Variants in EXOSC1 observed in about 807,000 individuals in gnomAD.
EXOSC1 encodes the protein exosome component 1, also known as exosome complex component CSL4.
In EXOSC1, 27 loss-of-function variants were observed where a neutral mutation model predicts 31.4. The ratio of observed to expected loss-of-function variants is 0.86; its 90% CI spans 0.63 to 1.18. EXOSC1 has a LOEUF of 1.18. Ranked by LOEUF, EXOSC1 falls within the 50% of genes most tolerant of loss-of-function variation. The probability of loss-of-function intolerance (pLI) is 0.00; values close to 1 mark genes in which losing one functional copy is unlikely to be tolerated. For missense variants in EXOSC1, 228 were observed against 250.3 expected (o/e 0.91, Z 0.60); for synonymous variants, 84 against 89.5 (o/e 0.94, Z 0.35).
rs1474478185 is a variant in EXOSC1, at chr10:97,445,968, T to C, written c.18A>G (p.Arg6=). ...GCGCTCACTTACCGGGGATGCAGTATCTCACAGGTGGCGCCATGATTGCCG... is the reference window on the plus strand; with the variant it reads ...GCGCTCACTTACCGGGGATGCAGTACCTCACAGGTGGCGCCATGATTGCCG... MAPPV[R]YCIPGERLCN... is the part of the protein sequence containing the mutation. The change falls in exon 1 of 8, where the codon AGA becomes AGG. Residue 6 remains arginine (R), a synonymous_variant. Transcript: ENST00000370902. The C allele has an allele frequency of 2.5e-6, 4 of 1,614,084 alleles. No individual in the cohort carries two copies. In the Admixed American group the frequency reaches 5.0e-5, roughly 20 times the overall value.
intron 3 of EXOSC1, among the ~76,000 whole-genome samples, chr10:97,441,676 G>C (rs1246674172): frequency 6.6e-6 from 1 of 151,136 alleles, no homozygotes; most frequent in Non-Finnish European, 1.5e-5. Context: ...TTCTAGTAGA[G>C]ACAGGGTTTC....
intron 4 of EXOSC1, 56 bp downstream of exon 4, chr10:97,441,115 G>T: frequency 1.4e-6 from 2 of 1,407,908 alleles, no homozygotes; most frequent in African/African-American, 1.4e-5. Flanking sequence ...TGGTGTCCTA[G>T]TCTATCCTAA....
intron 6 of EXOSC1, 143 bp from the exon 7 acceptor site, chr10:97,437,418 T>C (rs896912055): frequency 1.5e-6 from 1 of 670,764 alleles, no homozygotes; most frequent in Non-Finnish European, 2.6e-6. Flanking sequence ...TGGCGTGATA[T>C]CAGTTCACAA....
chr10:97,436,627 A>G, intron 7 of EXOSC1, 76 bp from the exon 8 acceptor site: 1 of 1,371,216 alleles, frequency 7.3e-7, no homozygotes, highest in Non-Finnish European at 9.9e-7. Flanking sequence ...CTGGGTATGA[A>G]GCTGAAGTGC....
intron 2 of EXOSC1, 79 bp from the exon 3 acceptor site, chr10:97,443,390 G>T: frequency 8.3e-7 from 1 of 1,201,002 alleles, no homozygotes; most frequent in Non-Finnish European, 1.2e-6. Context: ...GAGTAATATA[G>T]GAATGTCTTG....
rs145414802 is a variant in EXOSC1 at position 97,437,104 on chromosome 10, C to A, written c.481+87G>T. 3.4e-6 allele frequency: 4 copies of A among 1,193,912 alleles called. No homozygotes were observed. The South Asian group carries it at 4.9e-5, about 15-fold the overall frequency. The allele number at this position is 1,193,912 out of a possible 1,614,324, so 74.0% of individuals were successfully genotyped here. ...AAATATCTATAGCCATACTGCTTCCCAGATAAGGGAAACCAGGAAAAACAA... is the reference window on the plus strand; with the variant it reads ...AAATATCTATAGCCATACTGCTTCCAAGATAAGGGAAACCAGGAAAAACAA... On this transcript the variant is annotated intron_variant, in intron 7 of 7. Transcript: ENST00000370902.
At position 97,441,274 on chromosome 10, in the gene EXOSC1, A is replaced by G; in HGVS notation, c.223-15T>C. 6.2e-7 allele frequency: 1 copy of G among 1,611,464 alleles called. No homozygotes were observed. The highest frequency in any genetic ancestry group is 8.5e-7 in the Non-Finnish European group (1 of 1,177,714). On this transcript the variant is annotated splice_polypyrimidine_tract_variant and intron_variant, in intron 3 of 7. Transcript: ENST00000370902. ...ATGCTAGAGACCTGCGGAATAGAGAAAAGATCAGCATCAGAGTATAAGCAG... is the reference window on the plus strand; with the variant it reads ...ATGCTAGAGACCTGCGGAATAGAGAGAAGATCAGCATCAGAGTATAAGCAG...
intron 3 of EXOSC1, among the ~76,000 whole-genome samples, chr10:97,441,486 G>GTTTT (rs781273557): frequency 4.5e-5 from 6 of 133,510 alleles, no homozygotes; most frequent in African/African-American, 1.1e-4. Context: ...GGTGGTATGG[G>GTTTT]TTTTTTTTTT....
intron 2 of EXOSC1, chr10:97,445,033 T>C (rs556330643): frequency 2.6e-5 from 4 of 152,298 alleles, no homozygotes; most frequent in Admixed American, 6.5e-5. Context: ...TCTCATCATA[T>C]GCTGACATAG....
rs1322701813 is a variant in EXOSC1 at position 97,437,700 on chromosome 10, C to A, written c.396G>T (p.Val132=). ...FRPGDIVLAK[V]ISLGDAQSNY... ...GAAGTCTGCTGGGAATAAAGGATACCACTTTGGCCAAGACAATGTCACCTG... is the reference window on the plus strand; with the variant it reads ...GAAGTCTGCTGGGAATAAAGGATACAACTTTGGCCAAGACAATGTCACCTG... The change falls in exon 6 of 8, where the codon GTG becomes GTT. Residue 132 remains valine (V), a splice_region_variant and synonymous_variant. Transcript: ENST00000370902. The A allele has an allele frequency of 4.3e-6, 7 of 1,612,970 alleles. No homozygotes were observed. The highest frequency in any genetic ancestry group is 5.9e-6 in the Non-Finnish European group (7 of 1,179,302).
chr10:97,438,486 G>C (rs1443482129), intron 5 of EXOSC1, among the ~76,000 whole-genome samples, 184 bp downstream of exon 5: 1 of 151,558 alleles, frequency 6.6e-6, no homozygotes, highest in Non-Finnish European at 1.5e-5. Context: ...TAAAATTTTT[G>C]TAGAGACAGG....
chr10:97,443,545 C>T (rs1019673453), intron 2 of EXOSC1, among the ~76,000 whole-genome samples: 8 of 152,180 alleles, frequency 5.3e-5, no homozygotes, highest in East Asian at 1.9e-4. Flanking sequence ...TTGTTGGAGA[C>T]GGAGTCTTGC....
At chr10:97,440,161 G>A (rs562180386) in intron 4 of EXOSC1, among the ~76,000 whole-genome samples, 3 of 151,606 alleles carry the variant, frequency 2.0e-5, no homozygotes, top group Admixed American at 6.6e-5. Context: ...TAGTAGAGAC[G>A]GTGTTTCTCC....
At chr10:97,440,192 G>A (rs368065682) in intron 4 of EXOSC1, among the ~76,000 whole-genome samples, 204 of 151,680 alleles carry the variant, frequency 1.3e-3, no homozygotes, top group African/African-American at 4.7e-3. Context: ...GGCTGGTCTC[G>A]AACTCCCGAC....
chr10:97,441,486 GTTTTTTTTTT>G (rs781273557), intron 3 of EXOSC1, among the ~76,000 whole-genome samples: 138 of 133,518 alleles, frequency 1.0e-3, no homozygotes, highest in African/African-American at 3.7e-3. Flanking sequence ...GGTGGTATGG[GTTTTTTTTTT>G]TTTTTTTTTT....
At position 97,445,762 on chromosome 10, in the gene EXOSC1, G is replaced by GC. The variant is rs771795467; in HGVS notation, c.116dup (p.Cys40LeufsTer35). ...CATTCTCGCTGCTCTTCATCAGACA[G>GC]CCGGCAAGCGACGAAAAGATGTAGC... is the stretch of plus-strand genomic sequence containing the variant. On this transcript the variant is annotated frameshift_variant, in exon 2 of 8. Transcript: ENST00000370902. LOFTEE classifies it high-confidence loss of function. 1 of 1,613,878 alleles carries GC rather than the reference G, an allele frequency of 6.2e-7. No individual in the cohort carries two copies. The highest frequency in any genetic ancestry group is 1.7e-5 in the Admixed American group (1 of 60,022).
Position 97,438,707 on chromosome 10 carries a change from TA to T in EXOSC1, c.312-5del. 5.0e-6 allele frequency: 8 copies of T among 1,587,192 alleles called. No individual in the cohort carries two copies. Among genetic ancestry groups the T allele is most frequent in the South Asian group, 2.2e-5 (2 of 89,044 alleles). Reference sequence around the variant, plus strand: ...AGTTGCTCGGACATCTTCCTTGCTATAAAAAAAGAATTAACAGAAAGATTAA... The same window carrying T: ...AGTTGCTCGGACATCTTCCTTGCTATAAAAAAGAATTAACAGAAAGATTAA... On this transcript the variant is annotated splice_region_variant and splice_polypyrimidine_tract_variant and intron_variant, in intron 4 of 7. Transcript: ENST00000370902.
In EXOSC1 at chr10:97,436,285, C is replaced by G; in HGVS notation, c.*160G>C. The G allele has an allele frequency of 1.7e-6, 1 of 591,522 alleles. No homozygotes were observed. Among genetic ancestry groups the G allele is most frequent in the South Asian group, 1.9e-5 (1 of 52,764 alleles). The allele number at this position is 591,522 out of a possible 1,614,324, so 36.6% of individuals were successfully genotyped here. ...TTATTACTCAAGAGAATGAAATCCA[C>G]TGATAGGTTCACAGAAACATGTTCC... is the stretch of plus-strand genomic sequence containing the variant. On this transcript the variant is annotated 3_prime_UTR_variant, in exon 8 of 8. Transcript: ENST00000370902.
At position 97,445,958 on chromosome 10, in the gene EXOSC1, G is replaced by T. The variant is rs757908898; in HGVS notation, c.28C>A (p.Pro10Thr). MAPPVRYCIPGERLCNLEEG... is the reference protein window; with the variant it reads MAPPVRYCITGERLCNLEEG... ...TGTACGGGAAGCGCTCACTTACCGG[G>T]GATGCAGTATCTCACAGGTGGCGCC... Residue 10 changes from proline (P) to threonine (T), a missense_variant, in exon 1 of 8, where the codon CCC becomes ACC. Pro to Thr is a conservative substitution (Grantham distance 38). Coordinates refer to ENST00000370902, the MANE Select transcript of EXOSC1 (RefSeq NM_016046.5). 1.2e-6 allele frequency: 2 copies of T among 1,614,080 alleles called. No homozygotes were observed. Among genetic ancestry groups the T allele is most frequent in the African/African-American group, 1.3e-5 (1 of 74,926 alleles).
Sources: allele counts gnomAD v4.1 joint callset (sites outside exome capture counted in the v4.1 genomes callset), GRCh38; gene constraint gnomAD v4.1.1; transcripts MANE v1.5; gene names NCBI Gene and HGNC (gene_info 2026-07-23, HGNC 2026-07-21).